The following PCDH9 variants were observed in gnomAD, a reference collection of about 807,000 sequenced individuals.
PCDH9 encodes protocadherin-9.
Under a neutral mutation model 70.6 loss-of-function variants are expected in PCDH9, and 24 were observed. That is an observed-to-expected ratio of 0.34 (90% CI 0.25 to 0.48). The LOEUF (loss-of-function observed/expected upper bound fraction) is 0.48. Ranked by LOEUF, PCDH9 falls within the 20% of genes least tolerant of loss-of-function variation. The probability of loss-of-function intolerance (pLI) is 0.99; values close to 1 mark genes in which losing one functional copy is unlikely to be tolerated. For missense variants in PCDH9, 1,281 were observed against 1,503.6 expected (o/e 0.85, Z 2.45); for synonymous variants, 562 against 558.5 (o/e 1.01, Z -0.09).
At chr13:67,169,275 T>A (rs1309197650) in intron 2 of PCDH9, among the ~76,000 whole-genome samples, 1 of 152,226 alleles carries the variant, frequency 6.6e-6, no homozygotes, top group East Asian at 1.9e-4. Flanking sequence ...ATCCAAGTTA[T>A]AACATCCTAA....
At chr13:66,892,775 G>C (rs1244414579) in intron 3 of PCDH9, among the ~76,000 whole-genome samples, 2 of 152,010 alleles carry the variant, frequency 1.3e-5, no homozygotes, top group Admixed American at 1.3e-4. Context: ...TATTATTGAA[G>C]ATTATATCTA....
intron 2 of PCDH9, among the ~76,000 whole-genome samples, chr13:67,175,924 C>A (rs1234198169): frequency 6.7e-6 from 1 of 149,632 alleles, no homozygotes; most frequent in Non-Finnish European, 1.5e-5. Context: ...ACTGTTCTAA[C>A]AACACAATCC....
At chr13:66,541,623 C>T (rs7992073) in intron 4 of PCDH9, among the ~76,000 whole-genome samples, 140,632 of 152,212 alleles carry the variant, frequency 0.92, 65,983 homozygotes, top group East Asian at 1. Context: ...TACTTCTCTC[C>T]GTTTCTCTCT....
chr13:67,227,418 T>C lies in PCDH9; in HGVS notation c.1023A>G (p.Arg341=). The change falls in exon 2 of 5, where the codon CGA becomes CGG. Residue 341 remains arginine (R), a synonymous_variant. Transcript: ENST00000377865. This position sits in a 1 kb window ranked among gnomAD's most constrained non-coding sequence, Gnocchi z 4.6. ...CGGTGACATTGATGGTAACCGTTGC[T>C]CGAGCAGGAGTGGAGCTGCCGTCAC... ...LASDGSSTPA[R]ATVTINVTDV... 6.2e-7 allele frequency: 1 copy of C among 1,614,024 alleles called. No individual in the cohort carries two copies. The highest frequency in any genetic ancestry group is 2.2e-5 in the East Asian group (1 of 44,888).
chr13:66,960,367 A>T (rs2083327070), intron 2 of PCDH9, among the ~76,000 whole-genome samples: 1 of 152,178 alleles, frequency 6.6e-6, no homozygotes, highest in Non-Finnish European at 1.5e-5. Flanking sequence ...TGCTTTGCTG[A>T]CTACCATATA....
At position 67,059,885 on chromosome 13, in the gene PCDH9, G is replaced by GTTT. The variant is rs56867131; in HGVS notation, c.3037-156283_3037-156281dup. 5.5e-3 allele frequency among the ~76,000 whole-genome samples: 790 copies of GTTT among 143,336 alleles called. 3 individuals are homozygous for GTTT. The highest frequency in any genetic ancestry group is 9.7e-3 in the African/African-American group (379 of 38,978). 94.0% of individuals were successfully genotyped at this position (143,336 alleles called of 152,430 possible). ...TGTTGTTTGTTTTTTGTTTTTTGTT[G>GTTT]TTTTTTTTTTTTCTGCATGACAGCC... is the stretch of plus-strand genomic sequence containing the variant. On this transcript the variant is annotated intron_variant, in intron 2 of 4. Coordinates refer to ENST00000377865, the MANE Select transcript of PCDH9 (RefSeq NM_203487.3).
chr13:67,018,801 C>A (rs913294897), intron 2 of PCDH9, among the ~76,000 whole-genome samples: 1 of 152,076 alleles, frequency 6.6e-6, no homozygotes, highest in Non-Finnish European at 1.5e-5. Flanking sequence ...ATAATGCATC[C>A]TCGCATACTG....
chr13:67,017,138 C>T (rs1187196306), intron 2 of PCDH9, among the ~76,000 whole-genome samples: 2 of 152,160 alleles, frequency 1.3e-5, no homozygotes, highest in Non-Finnish European at 2.9e-5. Flanking sequence ...ACAAAGCTGG[C>T]CATGTCCTGT....
intron 4 of PCDH9, among the ~76,000 whole-genome samples, chr13:66,583,121 G>A (rs1300254275): frequency 7.0e-6 from 1 of 143,282 alleles, no homozygotes; most frequent in African/African-American, 2.6e-5. Context: ...TTTTTTTAAT[G>A]CATTGGTTCA....
chr13:66,391,035 C>T lies in PCDH9; in HGVS notation c.3341-86007G>A, dbSNP rs115946795. Among the ~76,000 whole-genome samples the T allele has an allele frequency of 4.2e-3, 643 of 152,214 alleles. 3 individuals are homozygous for T. Among genetic ancestry groups the T allele is most frequent in the African/African-American group, 0.015 (610 of 41,550 alleles). On this transcript the variant is annotated intron_variant, in intron 4 of 4. Coordinates refer to ENST00000377865, the MANE Select transcript of PCDH9 (RefSeq NM_203487.3). ...CCTTTTAGAAAATAAGCTCAAATGA[C>T]AGCTTTAAGTTTCACTAAGAGCATT...
chr13:67,028,635 TAA>T (rs2084840937), intron 2 of PCDH9, among the ~76,000 whole-genome samples: 1 of 152,070 alleles, frequency 6.6e-6, no homozygotes, highest in Non-Finnish European at 1.5e-5. Flanking sequence ...GGATGTTTAT[TAA>T]AAGTTAGTTA....
chr13:66,670,874 T>C (rs944850769), intron 3 of PCDH9, among the ~76,000 whole-genome samples: 7 of 148,796 alleles, frequency 4.7e-5, no homozygotes, highest in Admixed American at 1.4e-4. Flanking sequence ...ATGAGATCAT[T>C]AGGGTAGGCC....
At chr13:67,096,409 G>A (rs984881223) in intron 2 of PCDH9, among the ~76,000 whole-genome samples, 3 of 152,110 alleles carry the variant, frequency 2.0e-5, no homozygotes, top group African/African-American at 7.2e-5. Context: ...TCAATCCCAT[G>A]TCTCTAGGAT....
intron 3 of PCDH9, among the ~76,000 whole-genome samples, chr13:66,801,902 C>T (rs1462610681): frequency 6.6e-6 from 1 of 151,876 alleles, no homozygotes; most frequent in East Asian, 1.9e-4. Flanking sequence ...GTTTAAACTG[C>T]ATACTCAACA....
At chr13:66,467,781 G>A (rs1488336437) in intron 4 of PCDH9, among the ~76,000 whole-genome samples, 6 of 151,904 alleles carry the variant, frequency 3.9e-5, no homozygotes, top group South Asian at 2.1e-4. Context: ...TCCAATTATC[G>A]CATTCTTTGC....
At chr13:66,704,227 T>C (rs193106212) in intron 3 of PCDH9, among the ~76,000 whole-genome samples, 2 of 152,326 alleles carry the variant, frequency 1.3e-5, no homozygotes, top group Non-Finnish European at 2.9e-5. Flanking sequence ...AAATTTGATA[T>C]GTTCAATTAC....
chr13:66,963,985 C>T (rs2083391992), intron 2 of PCDH9, among the ~76,000 whole-genome samples: 1 of 151,960 alleles, frequency 6.6e-6, no homozygotes, highest in Non-Finnish European at 1.5e-5. Context: ...ATTAAAACTA[C>T]TAGCAATACT....
intron 4 of PCDH9, among the ~76,000 whole-genome samples, chr13:66,486,491 C>A (rs1277023932): frequency 1.3e-5 from 2 of 151,946 alleles, no homozygotes; most frequent in East Asian, 3.9e-4. Flanking sequence ...AAAAAATTAG[C>A]CAGGCATGAT....
chr13:67,053,499 A>G (rs2085361264), intron 2 of PCDH9, among the ~76,000 whole-genome samples: 1 of 152,216 alleles, frequency 6.6e-6, no homozygotes, highest in Non-Finnish European at 1.5e-5. Flanking sequence ...TAAAATAAAC[A>G]TAGAAGACAT....
Sources: gnomAD v4.1 joint callset for allele counts (sites outside exome capture counted in the v4.1 genomes callset) on GRCh38, gnomAD v4.1.1 for gene constraint, Gnocchi (gnomAD v3.1) non-coding constraint, MANE v1.5 for transcripts, NCBI Gene and HGNC (gene_info 2026-07-23, HGNC 2026-07-21) for gene names.